The following FFAR1 variants were observed in gnomAD, a reference collection of about 807,000 sequenced individuals.
FFAR1 encodes free fatty acid receptor 1.
For synonymous variants in FFAR1, 216 were observed against 201.5 expected (o/e 1.07, Z -0.61); for missense variants, 424 against 396.2 (o/e 1.07, Z -0.60).
At chr19:35,352,530 G>A (rs1425282972) in exon 1 of FFAR1, 2 of 1,470,394 alleles carry the variant, frequency 1.4e-6, no homozygotes, top group Middle Eastern at 2.4e-4. Context: ...GGGCTGCTTC[G>A]GAGGAACTGC....
At chr19:35,351,683 C>T (rs746505975) in exon 1 of FFAR1, 25 of 1,561,040 alleles carry the variant, frequency 1.6e-5, no homozygotes, top group Non-Finnish European at 2.2e-5. Flanking sequence ...GCCTGGTCTA[C>T]GCCCTGAACC....
At chr19:35,351,883 C>G in exon 1 of FFAR1, 1 of 1,613,918 alleles carries the variant, frequency 6.2e-7, no homozygotes, top group Admixed American at 1.7e-5. Flanking sequence ...GCAGCCTTCC[C>G]CTTGGGCTAC....
chr19:35,351,962 C>T (rs754704998), exon 1 of FFAR1: 3 of 1,614,154 alleles, frequency 1.9e-6, no homozygotes, highest in South Asian at 1.1e-5. Context: ...TCCTGTGTCA[C>T]CTGGGTCTGG....
At chr19:35,352,287 G>T (rs1452023032) in exon 1 of FFAR1, 1 of 1,552,010 alleles carries the variant, frequency 6.4e-7, no homozygotes. Context: ...CTCCAACGTG[G>T]CCAGCTTCCT....
chr19:35,351,499 G>A, upstream of FFAR1: 1 of 1,521,976 alleles, frequency 6.6e-7, no homozygotes, highest in Admixed American at 2.0e-5. Flanking sequence ...CAAGATCTGA[G>A]GACAGGGAGC....
chr19:35,351,549 C>A, upstream of FFAR1: 3 of 1,539,794 alleles, frequency 1.9e-6, no homozygotes, highest in Non-Finnish European at 2.6e-6. Context: ...GGACGGCGGC[C>A]CCATGGACCT....
At chr19:35,351,404 C>T, upstream of FFAR1, 1 of 708,148 alleles carries the variant, frequency 1.4e-6, no homozygotes, top group South Asian at 1.7e-5. Context: ...CTCGTTTCCT[C>T]CCTGATCCCA....
At chr19:35,351,580 G>T in exon 1 of FFAR1, 1 of 1,541,000 alleles carries the variant, frequency 6.5e-7, no homozygotes, top group South Asian at 1.2e-5. Context: ...CTCTCCTTCG[G>T]CCTCTATGTG....
At chr19:35,352,051 C>T (rs1439751642) in exon 1 of FFAR1, 7 of 1,613,872 alleles carry the variant, frequency 4.3e-6, no homozygotes, top group Non-Finnish European at 5.9e-6. Context: ...GTCAACGGCT[C>T]TCCGGTCTGC....
exon 1 of FFAR1, chr19:35,352,303 C>G: frequency 6.4e-7 from 1 of 1,552,380 alleles, no homozygotes; most frequent in Non-Finnish European, 8.7e-7. Context: ...TTCCTGTACC[C>G]CAATCTAGGA....
chr19:35,352,288 C>G, exon 1 of FFAR1: 2 of 1,552,180 alleles, frequency 1.3e-6, no homozygotes, highest in Middle Eastern at 1.7e-4. Flanking sequence ...TCCAACGTGG[C>G]CAGCTTCCTG....
chr19:35,352,046 C>T lies in FFAR1; in HGVS notation c.495C>T (p.Asn165=), dbSNP rs149494549. Residue 165 remains asparagine (N), a synonymous_variant, in exon 1 of 1, where the codon AAC becomes AAT. Coordinates refer to ENST00000246553, the Ensembl canonical transcript of FFAR1. Reference sequence around the variant, plus strand: ...CCCTGGGCATCAACACACCGGTCAACGGCTCTCCGGTCTGCCTGGAGGCCT... The same window carrying T: ...CCCTGGGCATCAACACACCGGTCAATGGCTCTCCGGTCTGCCTGGAGGCCT... 6.2e-6 allele frequency: 10 copies of T among 1,613,740 alleles called. No homozygotes were observed. In the Admixed American group the frequency reaches 1.0e-4, roughly 16 times the overall value.
At chr19:35,349,959 A>T (rs1049113448), upstream of FFAR1, among the ~76,000 whole-genome samples, 19 of 152,258 alleles carry the variant, frequency 1.2e-4, 1 homozygote, top group South Asian at 2.1e-4. Context: ...GGCTCAGGTG[A>T]CCCCAGTGGG....
chr19:35,351,987 G>C (rs747000140), exon 1 of FFAR1: 1 of 1,614,092 alleles, frequency 6.2e-7, no homozygotes, highest in Non-Finnish European at 8.5e-7. Flanking sequence ...TGGGTTGGAG[G>C]CTCCAGGAGG....
upstream of FFAR1, among the ~76,000 whole-genome samples, chr19:35,350,530 T>C (rs1401167243): frequency 1.3e-5 from 2 of 152,092 alleles, no homozygotes; most frequent in Non-Finnish European, 2.9e-5. Context: ...AGCGCTGGGT[T>C]GTGGCCGAGC....
upstream of FFAR1, chr19:35,351,503 A>G: frequency 2.0e-6 from 3 of 1,521,694 alleles, no homozygotes; most frequent in East Asian, 2.5e-5. Flanking sequence ...ATCTGAGGAC[A>G]GGGAGCCAGG....
exon 1 of FFAR1, chr19:35,352,453 A>G: frequency 6.4e-7 from 1 of 1,551,272 alleles, no homozygotes; most frequent in East Asian, 2.4e-5. Flanking sequence ...TCCCAGAAGT[A>G]ACGCCACTGC....
exon 1 of FFAR1, chr19:35,352,088 C>G: frequency 1.9e-6 from 3 of 1,612,920 alleles, no homozygotes; most frequent in Non-Finnish European, 2.5e-6. Flanking sequence ...CGGCCTCTGC[C>G]GGCCCGGCCC....
exon 1 of FFAR1, chr19:35,352,062 C>G (rs1278143487): frequency 1.9e-6 from 3 of 1,613,672 alleles, no homozygotes; most frequent in South Asian, 2.2e-5. Flanking sequence ...TCCGGTCTGC[C>G]TGGAGGCCTG....
Sources: allele counts gnomAD v4.1 joint callset (sites outside exome capture counted in the v4.1 genomes callset), GRCh38; gene constraint gnomAD v4.1.1; transcripts MANE v1.5; gene names NCBI Gene and HGNC (gene_info 2026-07-23, HGNC 2026-07-21).